The following BCAS3 variants were observed in gnomAD, a reference collection of about 807,000 sequenced individuals.
The protein encoded by BCAS3 is BCAS4/BCAS3 fusion.
BCAS3 carries 53 observed loss-of-function variants against 116.1 expected under a neutral mutation model. The ratio of observed to expected loss-of-function variants is 0.46; its 90% CI spans 0.37 to 0.57. The LOEUF is 0.57. BCAS3 is among the 20% of genes least tolerant of loss of function. The probability of loss-of-function intolerance (pLI) is 0.00; values close to 1 mark genes in which losing one functional copy is unlikely to be tolerated. For missense variants in BCAS3, 917 were observed against 1,165.4 expected (o/e 0.79, Z 3.10); for synonymous variants, 391 against 408.2 (o/e 0.96, Z 0.51).
intron 22 of BCAS3, among the ~76,000 whole-genome samples, chr17:61,268,011 C>T (rs535137329): frequency 1.5e-4 from 23 of 152,126 alleles, no homozygotes; most frequent in African/African-American, 5.5e-4. Context: ...ACATTTGGTG[C>T]CTAGAGAGAA....
rs1601559925 is a variant in BCAS3, at chr17:61,144,970, A to C, written c.2425+60406A>C. On this transcript the variant is annotated intron_variant, in intron 22 of 23. Transcript: ENST00000407086. The surrounding 1 kb of genome is among the most constrained non-coding windows in gnomAD (Gnocchi z 5.0). ...AAACATAAAAATATAAAAGTGCTTA[A>C]AATTTTCTTTCTGTTTCCTTATCAG... 6.6e-6 allele frequency among the ~76,000 whole-genome samples: 1 copy of C among 152,244 alleles called. No individual in the cohort carries two copies. The highest frequency in any genetic ancestry group is 1.5e-5 in the Non-Finnish European group (1 of 68,040).
At chr17:61,142,104 T>G (rs1313080131) in intron 22 of BCAS3, among the ~76,000 whole-genome samples, 1 of 152,148 alleles carries the variant, frequency 6.6e-6, no homozygotes, top group African/African-American at 2.4e-5. Flanking sequence ...TTTTTTTTAA[T>G]GAGCTAAGTT....
At chr17:60,694,077 G>A (rs567454580) in intron 4 of BCAS3, among the ~76,000 whole-genome samples, 4 of 150,910 alleles carry the variant, frequency 2.7e-5, no homozygotes, top group South Asian at 2.1e-4. Flanking sequence ...TAGTAGAGAC[G>A]GGGTTTCACC....
At position 60,924,446 on chromosome 17, in the gene BCAS3, G is replaced by GCCCA; in HGVS notation, c.1035_1038dup (p.Phe347ProfsTer6). On this transcript the variant is annotated frameshift_variant, in exon 13 of 24. Coordinates refer to ENST00000407086, the MANE Select transcript of BCAS3 (RefSeq NM_017679.5). LOFTEE classifies it high-confidence loss of function. ...GGATTCTGACAGTGATGGCATTGTGGCCCACTTCCCTGCCCATGAGAAGCC... is the reference window on the plus strand; with the variant it reads ...GGATTCTGACAGTGATGGCATTGTGGCCCACCCACTTCCCTGCCCATGAGAAGCC... 6.2e-7 allele frequency: 1 copy of GCCCA among 1,613,288 alleles called. No individual in the cohort carries two copies. Among genetic ancestry groups the GCCCA allele is most frequent in the Non-Finnish European group, 8.5e-7 (1 of 1,179,750 alleles).
In BCAS3 at chr17:61,281,005, C is replaced by T. The variant is rs1004537942; in HGVS notation, c.2426-87322C>T. ...GGCACAAAATGGTATAAAAAGAGACCTACTCTTATCTCCCAATCCTTGCCC... is the reference window on the plus strand; with the variant it reads ...GGCACAAAATGGTATAAAAAGAGACTTACTCTTATCTCCCAATCCTTGCCC... On this transcript the variant is annotated intron_variant, in intron 22 of 23. Transcript: ENST00000407086. This position sits in a 1 kb window ranked among gnomAD's most constrained non-coding sequence, Gnocchi z 4.2. Among the ~76,000 whole-genome samples, 1 of 152,172 alleles carries T rather than the reference C, an allele frequency of 6.6e-6. No individual in the cohort carries two copies. The highest frequency in any genetic ancestry group is 1.5e-5 in the Non-Finnish European group (1 of 68,024).
intron 6 of BCAS3, among the ~76,000 whole-genome samples, chr17:60,786,200 G>A (rs548672535): frequency 6.6e-6 from 1 of 152,224 alleles, no homozygotes; most frequent in Admixed American, 6.5e-5. Context: ...GGACATATTG[G>A]TAGAATGTGA....
At chr17:61,322,842 G>C (rs1602675916) in intron 22 of BCAS3, among the ~76,000 whole-genome samples, 7 of 146,872 alleles carry the variant, frequency 4.8e-5, no homozygotes, top group Admixed American at 1.3e-4. Flanking sequence ...GAGAGAGAGA[G>C]AGAGAGAGAG....
intron 22 of BCAS3, among the ~76,000 whole-genome samples, chr17:61,314,621 A>G (rs994086570): frequency 6.6e-6 from 1 of 152,226 alleles, no homozygotes; most frequent in Non-Finnish European, 1.5e-5. Context: ...GACAAGCCCA[A>G]TAGTTACTTT....
intron 22 of BCAS3, among the ~76,000 whole-genome samples, chr17:61,257,311 C>T (rs1405636442): frequency 3.3e-5 from 5 of 151,010 alleles, no homozygotes; most frequent in Admixed American, 1.3e-4. Flanking sequence ...GTCCCAGCTA[C>T]GCAGGAGGCT....
At chr17:60,929,400 C>T (rs1374925952) in intron 13 of BCAS3, among the ~76,000 whole-genome samples, 1 of 152,008 alleles carries the variant, frequency 6.6e-6, no homozygotes, top group Non-Finnish European at 1.5e-5. Context: ...TGCACTCTAG[C>T]CTGGGTTACA....
intron 7 of BCAS3, among the ~76,000 whole-genome samples, chr17:60,818,257 TTCCTC>T (rs1306737703): frequency 6.6e-6 from 1 of 152,200 alleles, no homozygotes; most frequent in African/African-American, 2.4e-5. Context: ...TATTAATATT[TTCCTC>T]TCATTATTAC....
chr17:61,320,875 C>T (rs1456456522), intron 22 of BCAS3, among the ~76,000 whole-genome samples: 1 of 152,094 alleles, frequency 6.6e-6, no homozygotes, highest in Admixed American at 6.6e-5. Flanking sequence ...ATGTAATCAG[C>T]TCTTCAGTCA....
intron 22 of BCAS3, among the ~76,000 whole-genome samples, chr17:61,197,396 C>G (rs2080544320): frequency 6.6e-6 from 1 of 152,268 alleles, no homozygotes; most frequent in East Asian, 1.9e-4. Context: ...AGGATGAGCT[C>G]ATGATATCAG....
intron 22 of BCAS3, among the ~76,000 whole-genome samples, chr17:61,246,471 GAAAAAAAAA>G (rs1007852809): frequency 6.3e-4 from 21 of 33,446 alleles, no homozygotes; most frequent in African/African-American, 8.8e-4. Flanking sequence ...GACTGTCTCA[GAAAAAAAAA>G]AAAAAAAAAA....
At chr17:60,872,351 C>T (rs559818046) in intron 8 of BCAS3, among the ~76,000 whole-genome samples, 1 of 150,596 alleles carries the variant, frequency 6.6e-6, no homozygotes, top group East Asian at 1.9e-4. Context: ...ATACACACAC[C>T]CCATATATAT....
chr17:61,162,347 A>C lies in BCAS3; in HGVS notation c.2425+77783A>C, dbSNP rs949885025. ...AGGAGAAGGAGAGCTTGCGAATGGAAGGGGTGTTCCTGCCAGCTGGGTTTC... is the reference window on the plus strand; with the variant it reads ...AGGAGAAGGAGAGCTTGCGAATGGACGGGGTGTTCCTGCCAGCTGGGTTTC... On this transcript the variant is annotated intron_variant, in intron 22 of 23. Transcript: ENST00000407086. This position sits in a 1 kb window ranked among gnomAD's most constrained non-coding sequence, Gnocchi z 5.6. 1.3e-5 allele frequency among the ~76,000 whole-genome samples: 2 copies of C among 152,142 alleles called. No homozygotes were observed. The highest frequency in any genetic ancestry group is 4.8e-5 in the African/African-American group (2 of 41,442).
At chr17:61,067,930 T>C (rs946261301) in intron 19 of BCAS3, among the ~76,000 whole-genome samples, 1 of 152,104 alleles carries the variant, frequency 6.6e-6, no homozygotes, top group African/African-American at 2.4e-5. Context: ...TGCTCGTTGA[T>C]GTATATTTAG....
chr17:60,793,657 G>T (rs1475275804), intron 6 of BCAS3, among the ~76,000 whole-genome samples: 6 of 152,090 alleles, frequency 3.9e-5, no homozygotes, highest in African/African-American at 9.7e-5. Context: ...ATGATGGTTG[G>T]TTTTCCATTC....
intron 18 of BCAS3, among the ~76,000 whole-genome samples, chr17:61,040,220 C>G (rs1356673997): frequency 6.6e-6 from 1 of 152,166 alleles, no homozygotes; most frequent in South Asian, 2.1e-4. Context: ...TTTACTACTA[C>G]TTTACTATGC....
Sources: gnomAD v4.1 joint callset for allele counts (sites outside exome capture counted in the v4.1 genomes callset) on GRCh38, gnomAD v4.1.1 for gene constraint, Gnocchi (gnomAD v3.1) non-coding constraint, MANE v1.5 for transcripts, NCBI Gene and HGNC (gene_info 2026-07-23, HGNC 2026-07-21) for gene names.